The following IQCM variants were observed in gnomAD, a reference collection of about 807,000 sequenced individuals.
IQCM encodes the protein IQ domain-containing protein M.
IQCM carries 45 observed loss-of-function variants against 57.6 expected under a neutral mutation model. That is an observed-to-expected ratio of 0.78 (90% confidence interval 0.62 to 1.00). The LOEUF (loss-of-function observed/expected upper bound fraction) is 1.00. Ranked by LOEUF, IQCM falls within the 50% of genes least tolerant of loss-of-function variation. The pLI is 0.00. For synonymous variants in IQCM, 148 were observed against 158.9 expected, an observed-to-expected ratio of 0.93 and a Z score of 0.51; for missense variants, 468 against 511.6, an observed-to-expected ratio of 0.91 and a Z score of 0.82.
rs538478725 is a variant in IQCM at position 149,397,287 on chromosome 4, C to T, written c.1390+36109G>A. On this transcript the variant is annotated intron_variant, in intron 13 of 13. Transcript: ENST00000636793. ...CACTGTGGTTGTGAGTTGCATTTCC[C>T]TGATGATTAGTGATGTTGAACATTT... Among the ~76,000 whole-genome samples the T allele has an allele frequency of 2.0e-5, 3 of 151,926 alleles. No homozygotes were observed. In the South Asian group the frequency reaches 6.2e-4, roughly 32 times the overall value.
At chr4:149,669,632 C>G (rs1276261077) in intron 7 of IQCM, among the ~76,000 whole-genome samples, 1 of 152,078 alleles carries the variant, frequency 6.6e-6, no homozygotes, top group African/African-American at 2.4e-5. Context: ...AGTCTTTAAT[C>G]CATCTTGAAT....
intron 2 of IQCM, among the ~76,000 whole-genome samples, chr4:149,801,705 C>G (rs752257282): frequency 6.6e-6 from 1 of 151,520 alleles, no homozygotes; most frequent in Non-Finnish European, 1.5e-5. Flanking sequence ...ATTGAACCCA[C>G]GGACATAGAG....
chr4:149,530,813 C>CA (rs1181285554), intron 12 of IQCM, among the ~76,000 whole-genome samples: 1 of 124,740 alleles, frequency 8.0e-6, no homozygotes, highest in Non-Finnish European at 1.7e-5. Flanking sequence ...ACCCCCCCCC[C>CA]ACATACACAC....
At chr4:149,368,046 A>G (rs1250917613) in intron 13 of IQCM, among the ~76,000 whole-genome samples, 1 of 151,920 alleles carries the variant, frequency 6.6e-6, no homozygotes, top group Non-Finnish European at 1.5e-5. Context: ...CTAAAGTGCA[A>G]TTCCCCTTCA....
intron 2 of IQCM, among the ~76,000 whole-genome samples, 197 bp from the exon 3 acceptor site, chr4:149,742,936 G>A (rs764903818): frequency 4.6e-4 from 70 of 152,130 alleles, no homozygotes; most frequent in South Asian, 8.3e-4. Flanking sequence ...GCAGTTTATC[G>A]AGTACTCATA....
chr4:149,374,938 C>T (rs1730603358), intron 13 of IQCM, among the ~76,000 whole-genome samples: 1 of 151,150 alleles, frequency 6.6e-6, no homozygotes. Flanking sequence ...CAAGATTATG[C>T]CAAGTTCCTT....
intron 13 of IQCM, among the ~76,000 whole-genome samples, chr4:149,376,081 A>G (rs1255463801): frequency 6.6e-6 from 1 of 152,124 alleles, no homozygotes; most frequent in Non-Finnish European, 1.5e-5. Context: ...ATCAGGTGAA[A>G]AACATTAGAA....
intron 2 of IQCM, among the ~76,000 whole-genome samples, chr4:149,783,871 CAGTT>C (rs1187302139): frequency 6.6e-6 from 1 of 152,062 alleles, no homozygotes; most frequent in Non-Finnish European, 1.5e-5. Flanking sequence ...AGTCAGCAAA[CAGTT>C]AGGACCCTCA....
At chr4:149,541,057 A>T (rs1259629712) in intron 12 of IQCM, among the ~76,000 whole-genome samples, 1 of 152,116 alleles carries the variant, frequency 6.6e-6, no homozygotes, top group Non-Finnish European at 1.5e-5. Context: ...AGATAATTAA[A>T]CTTTACGATT....
chr4:149,399,531 A>G (rs764470641), intron 13 of IQCM, among the ~76,000 whole-genome samples: 1 of 152,054 alleles, frequency 6.6e-6, no homozygotes, highest in Non-Finnish European at 1.5e-5. Context: ...AGCAACAAAA[A>G]TGTAAATATA....
intron 2 of IQCM, among the ~76,000 whole-genome samples, chr4:149,798,271 A>G (rs890535227): frequency 1.3e-5 from 2 of 152,030 alleles, no homozygotes; most frequent in African/African-American, 4.8e-5. Flanking sequence ...GGTTGTTATC[A>G]GGTTTAAATA....
chr4:149,601,184 A>G (rs1034432140), intron 8 of IQCM, among the ~76,000 whole-genome samples: 1 of 130,798 alleles, frequency 7.6e-6, no homozygotes, highest in Non-Finnish European at 1.6e-5. Context: ...TTCTGATTCA[A>G]TAGATCGGGC....
At chr4:149,666,738 G>T (rs1435036467) in intron 7 of IQCM, among the ~76,000 whole-genome samples, 5 of 152,078 alleles carry the variant, frequency 3.3e-5, no homozygotes, top group African/African-American at 4.8e-5. Flanking sequence ...AGAGCTTGGT[G>T]GGGGGAGGGG....
intron 5 of IQCM, among the ~76,000 whole-genome samples, chr4:149,694,077 A>G (rs889927084): frequency 3.9e-5 from 6 of 152,346 alleles, no homozygotes; most frequent in African/African-American, 1.2e-4. Flanking sequence ...TACCCAGCAC[A>G]TTCAACAAAC....
chr4:149,702,545 A>G (rs17687273), intron 5 of IQCM, among the ~76,000 whole-genome samples: 35,997 of 151,722 alleles, frequency 0.24, 4,840 homozygotes, highest in Non-Finnish European at 0.29. Flanking sequence ...TCCTCTCCTT[A>G]TCTTTTCAAC....
At chr4:149,352,561 C>A (rs1728652601) in intron 13 of IQCM, among the ~76,000 whole-genome samples, 1 of 152,118 alleles carries the variant, frequency 6.6e-6, no homozygotes, top group African/African-American at 2.4e-5. Context: ...TATGCAAATA[C>A]TACCCCATTT....
intron 13 of IQCM, among the ~76,000 whole-genome samples, chr4:149,414,689 T>C (rs1388078347): frequency 6.6e-6 from 1 of 152,044 alleles, no homozygotes; most frequent in African/African-American, 2.4e-5. Flanking sequence ...ATTTATGTCA[T>C]TAATCTTTAT....
chr4:149,776,629 T>G (rs1201117224), intron 2 of IQCM, among the ~76,000 whole-genome samples: 2 of 152,108 alleles, frequency 1.3e-5, no homozygotes, highest in African/African-American at 2.4e-5. Context: ...TATTTGTGGA[T>G]GAATAAGGGC....
At chr4:149,552,972 G>C (rs980993956) in intron 11 of IQCM, among the ~76,000 whole-genome samples, 171 bp downstream of exon 11, 5 of 152,126 alleles carry the variant, frequency 3.3e-5, no homozygotes, top group African/African-American at 1.2e-4. Flanking sequence ...ACTTGCAGAG[G>C]ATCCAAATAA....
Sources: allele counts gnomAD v4.1 joint callset (sites outside exome capture counted in the v4.1 genomes callset), GRCh38; gene constraint gnomAD v4.1.1; transcripts MANE v1.5; gene names NCBI Gene and HGNC (gene_info 2026-07-23, HGNC 2026-07-21).